The following MAGI2 variants were observed in gnomAD, a reference collection of about 807,000 sequenced individuals.
MAGI2 encodes membrane associated guanylate kinase, WW and PDZ domain containing 2.
A neutral mutation model predicts 133.3 loss-of-function variants in MAGI2; 35 were observed. That is an observed-to-expected ratio of 0.26 (90% confidence interval 0.20 to 0.35). MAGI2 has a LOEUF of 0.35. MAGI2 is among the 10% of genes least tolerant of loss of function. The pLI is 1.00. For synonymous variants in MAGI2, 729 were observed against 710.6 expected, an observed-to-expected ratio of 1.03 and a Z score of -0.41; for missense variants, 1,636 against 1,863.4, an observed-to-expected ratio of 0.88 and a Z score of 2.25.
chr7:78,229,623 C>A (rs1002972509), intron 10 of MAGI2, among the ~76,000 whole-genome samples: 11 of 152,202 alleles, frequency 7.2e-5, no homozygotes, highest in African/African-American at 2.7e-4. Flanking sequence ...TGTGACAGCT[C>A]TGGATCACTC....
intron 2 of MAGI2, among the ~76,000 whole-genome samples, chr7:78,814,700 T>G (rs1180301609): frequency 6.6e-6 from 1 of 152,128 alleles, no homozygotes. Flanking sequence ...TTATCTTACC[T>G]CTCATGGAAT....
chr7:78,608,135 T>C (rs1806024569), intron 3 of MAGI2, among the ~76,000 whole-genome samples: 1 of 152,318 alleles, frequency 6.6e-6, no homozygotes, highest in African/African-American at 2.4e-5. Flanking sequence ...GATTCCAGTC[T>C]ATCAGGCCAC....
chr7:79,130,164 A>G (rs1820800669), intron 1 of MAGI2, among the ~76,000 whole-genome samples: 1 of 151,178 alleles, frequency 6.6e-6, no homozygotes, highest in South Asian at 2.1e-4. Flanking sequence ...CAAAAAAAAA[A>G]AAAAAAATTA....
At chr7:78,291,125 A>G (rs1339232139) in intron 9 of MAGI2, among the ~76,000 whole-genome samples, 1 of 152,258 alleles carries the variant, frequency 6.6e-6, no homozygotes, top group Admixed American at 6.5e-5. Context: ...ACCCTTCAAA[A>G]GATCCATGAA....
chr7:79,034,474 C>G (rs1810921551), intron 1 of MAGI2, among the ~76,000 whole-genome samples: 2 of 152,152 alleles, frequency 1.3e-5, no homozygotes, highest in Non-Finnish European at 2.9e-5. Context: ...CAAGTTCAAT[C>G]AGCCCTTTTG....
At chr7:78,872,803 G>A (rs188733138) in intron 2 of MAGI2, among the ~76,000 whole-genome samples, 10 of 152,020 alleles carry the variant, frequency 6.6e-5, no homozygotes, top group African/African-American at 2.4e-4. Context: ...CATAAGAGAA[G>A]TATCTATTTT....
At chr7:78,656,246 G>C (rs767006521) in intron 2 of MAGI2, among the ~76,000 whole-genome samples, 3 of 152,028 alleles carry the variant, frequency 2.0e-5, no homozygotes, top group Non-Finnish European at 4.4e-5. Context: ...GTCTTCTCAG[G>C]TACAATGAAT....
chr7:78,780,093 G>A (rs1826279323), intron 2 of MAGI2, among the ~76,000 whole-genome samples: 1 of 152,212 alleles, frequency 6.6e-6, no homozygotes, highest in South Asian at 2.1e-4. Flanking sequence ...AACAGTCATG[G>A]AAACTTGAGA....
At chr7:79,014,750 T>A (rs1431976750) in intron 1 of MAGI2, among the ~76,000 whole-genome samples, 16 of 152,158 alleles carry the variant, frequency 1.1e-4, no homozygotes, top group African/African-American at 3.6e-4. Flanking sequence ...ATAAGGCTTC[T>A]ACATAAAACA....
chr7:79,248,540 A>G (rs1832982838), intron 1 of MAGI2, among the ~76,000 whole-genome samples: 1 of 152,150 alleles, frequency 6.6e-6, no homozygotes, highest in African/African-American at 2.4e-5. Context: ...TTTAGAGAAC[A>G]TATCACCCAA....
intron 10 of MAGI2, among the ~76,000 whole-genome samples, chr7:78,216,047 C>G (rs978237549): frequency 6.6e-6 from 1 of 152,140 alleles, no homozygotes; most frequent in African/African-American, 2.4e-5. Flanking sequence ...ATGAAGAGAT[C>G]AAGGTGGAGA....
chr7:79,233,879 CT>C (rs1831619363), intron 1 of MAGI2, among the ~76,000 whole-genome samples: 1 of 151,716 alleles, frequency 6.6e-6, no homozygotes, highest in African/African-American at 2.4e-5. Context: ...GATGCAGTTT[CT>C]TCCTAGTCTT....
At chr7:78,243,279 T>A (rs1000472740) in intron 10 of MAGI2, among the ~76,000 whole-genome samples, 56 of 142,186 alleles carry the variant, frequency 3.9e-4, no homozygotes, top group African/African-American at 1.5e-3. Context: ...ACTCTCTCTC[T>A]CTCTCTCTTA....
intron 1 of MAGI2, among the ~76,000 whole-genome samples, chr7:79,358,972 C>A (rs1435649537): frequency 6.6e-6 from 1 of 152,036 alleles, no homozygotes; most frequent in Non-Finnish European, 1.5e-5. Flanking sequence ...TCACATGCAC[C>A]AAGAACATAA....
intron 1 of MAGI2, among the ~76,000 whole-genome samples, chr7:79,136,072 A>AGAAAGAAAGAAG (rs1562929213): frequency 3.6e-3 from 155 of 43,138 alleles, no homozygotes; most frequent in African/African-American, 0.013. Flanking sequence ...AAAGAAGGAA[A>AGAAAGAAAGAAG]GAAAGAAAGA....
rs541807422 is a variant in MAGI2 at position 78,341,089 on chromosome 7, G to A, written c.1408+2689C>T. On this transcript the variant is annotated intron_variant, in intron 9 of 21. Coordinates refer to ENST00000354212, the MANE Select transcript of MAGI2 (RefSeq NM_012301.4). Reference sequence around the variant, plus strand: ...TCTCAGCCCAAAAACTCCTTATGCTGATAATAAGCAACTTCAGCAAAGTCT... The same window carrying A: ...TCTCAGCCCAAAAACTCCTTATGCTAATAATAAGCAACTTCAGCAAAGTCT... Among the ~76,000 whole-genome samples the A allele has an allele frequency of 4.6e-5, 7 of 152,208 alleles. No individual in the cohort carries two copies. In the East Asian group the frequency reaches 1.4e-3, roughly 29 times the overall value.
intron 10 of MAGI2, among the ~76,000 whole-genome samples, chr7:78,209,267 C>CTT (rs111381805): frequency 1.7e-4 from 14 of 82,928 alleles, no homozygotes; most frequent in Admixed American, 5.3e-4. Context: ...AAAAGTCATT[C>CTT]TTTTTTTTTT....
intron 2 of MAGI2, among the ~76,000 whole-genome samples, chr7:78,769,177 T>G (rs759654550): frequency 3.9e-5 from 6 of 152,216 alleles, no homozygotes; most frequent in Non-Finnish European, 7.3e-5. Flanking sequence ...GCACAATGGA[T>G]CACAATGCTA....
intron 3 of MAGI2, among the ~76,000 whole-genome samples, chr7:78,600,877 T>A (rs957489819): frequency 1.3e-5 from 2 of 152,192 alleles, no homozygotes; most frequent in Non-Finnish European, 1.5e-5. Context: ...GTGAACTGTA[T>A]TTCAGAATAA....
Sources: gnomAD v4.1 joint callset for allele counts (sites outside exome capture counted in the v4.1 genomes callset) on GRCh38, gnomAD v4.1.1 for gene constraint, MANE v1.5 for transcripts, NCBI Gene and HGNC (gene_info 2026-07-23, HGNC 2026-07-21) for gene names.